Variants in HIVEP3 observed in about 807,000 individuals in gnomAD.
HIVEP3 encodes the protein transcription factor HIVEP3.
In HIVEP3, 49 loss-of-function variants were observed where a neutral mutation model predicts 152.8. That is an observed-to-expected ratio of 0.32 (90% CI 0.26 to 0.41). The LOEUF is 0.41. HIVEP3 is among the 10% of genes least tolerant of loss of function. HIVEP3 has a pLI of 1.00. For synonymous variants in HIVEP3, 1,269 were observed against 1,289.0 expected (o/e 0.98, Z 0.33); for missense variants, 2,790 against 3,103.3 (o/e 0.90, Z 2.40).
At chr1:41,802,149 A>C (rs1036318466) in intron 1 of HIVEP3, among the ~76,000 whole-genome samples, 2 of 152,248 alleles carry the variant, frequency 1.3e-5, no homozygotes, top group African/African-American at 4.8e-5. Context: ...AAAGCAGTAG[A>C]CTAGAAACCA....
intron 3 of HIVEP3, among the ~76,000 whole-genome samples, chr1:41,606,803 G>T (rs1263378651): frequency 1.3e-5 from 2 of 151,624 alleles, no homozygotes; most frequent in Non-Finnish European, 2.9e-5. Context: ...CCACTGTACT[G>T]GAGCATCTTG....
intron 5 of HIVEP3, among the ~76,000 whole-genome samples, chr1:41,573,604 A>G (rs1569959823): frequency 6.6e-6 from 1 of 152,350 alleles, no homozygotes; most frequent in East Asian, 1.9e-4. Context: ...AAATGGATAT[A>G]CTAGTAGTAA....
chr1:42,016,097 G>A (rs1169989581), intron 1 of HIVEP3, among the ~76,000 whole-genome samples: 1 of 152,220 alleles, frequency 6.6e-6, no homozygotes, highest in Non-Finnish European at 1.5e-5. Context: ...GGTTAAGATG[G>A]AGGAGGCAAG....
At chr1:41,936,265 T>C (rs1406467202) in intron 1 of HIVEP3, among the ~76,000 whole-genome samples, 1 of 152,146 alleles carries the variant, frequency 6.6e-6, no homozygotes, top group African/African-American at 2.4e-5. Context: ...TCTATTCAGA[T>C]GACTCATGTG....
At chr1:41,599,803 G>A (rs1644719893) in intron 3 of HIVEP3, among the ~76,000 whole-genome samples, 1 of 152,094 alleles carries the variant, frequency 6.6e-6, no homozygotes, top group Admixed American at 6.5e-5. Context: ...AAGAATGAGA[G>A]AAAACGCTTG....
chr1:41,553,002 T>G (rs185092771), intron 5 of HIVEP3, among the ~76,000 whole-genome samples: 163 of 152,354 alleles, frequency 1.1e-3, no homozygotes, highest in Admixed American at 2.3e-3. Context: ...GTTCTGTAGA[T>G]GTCTATTAGG....
chr1:41,898,896 A>G (rs1041268923), intron 1 of HIVEP3, among the ~76,000 whole-genome samples: 1 of 152,266 alleles, frequency 6.6e-6, no homozygotes. Flanking sequence ...TTCATTCAGC[A>G]AGCATTAAAA....
At chr1:41,674,679 C>T (rs145739538) in intron 2 of HIVEP3, among the ~76,000 whole-genome samples, 2,280 of 152,278 alleles carry the variant, frequency 0.015, 27 homozygotes, top group Non-Finnish European at 0.019. Flanking sequence ...ACCCGGCTGC[C>T]GGCCACCAGG....
At position 41,629,987 on chromosome 1, in the gene HIVEP3, C is replaced by T. The variant is rs146649168; in HGVS notation, c.-720-1040G>A. ...AGACACACGCATTTGTATGTTCACT[C>T]CAGCACTATTCACAATAGCAAAGAC... On this transcript the variant is annotated intron_variant, in intron 2 of 8. Coordinates refer to ENST00000372583, the MANE Select transcript of HIVEP3 (RefSeq NM_024503.5). Among the ~76,000 whole-genome samples, 1,456 of 152,312 alleles carry T rather than the reference C, an allele frequency of 9.6e-3. 17 individuals carry two copies. Among genetic ancestry groups the T allele is most frequent in the African/African-American group, 0.033 (1,373 of 41,562 alleles).
chr1:41,932,195 A>C (rs959269411), intron 1 of HIVEP3, among the ~76,000 whole-genome samples: 15 of 151,918 alleles, frequency 9.9e-5, no homozygotes, highest in African/African-American at 3.4e-4. Flanking sequence ...ATCTATTGAA[A>C]TAATCATCGT....
chr1:41,925,967 C>A (rs1024797400), intron 1 of HIVEP3, among the ~76,000 whole-genome samples: 1 of 152,094 alleles, frequency 6.6e-6, no homozygotes, highest in African/African-American at 2.4e-5. Flanking sequence ...CCCAGCCATA[C>A]TCTTAAAGGG....
At chr1:41,753,292 C>T (rs1229589912) in intron 1 of HIVEP3, among the ~76,000 whole-genome samples, 1 of 152,036 alleles carries the variant, frequency 6.6e-6, no homozygotes, top group East Asian at 1.9e-4. Flanking sequence ...GAAATTAATC[C>T]TAAGGAAATA....
At chr1:41,624,892 G>A (rs1035871545) in intron 3 of HIVEP3, among the ~76,000 whole-genome samples, 1 of 152,138 alleles carries the variant, frequency 6.6e-6, no homozygotes, top group Non-Finnish European at 1.5e-5. Context: ...TTGGCCAGGC[G>A]CGGTGGCTCA....
chr1:41,957,598 G>A (rs895491121), intron 1 of HIVEP3, among the ~76,000 whole-genome samples: 7 of 152,180 alleles, frequency 4.6e-5, no homozygotes, highest in Non-Finnish European at 7.3e-5. Flanking sequence ...AAAGTTCAAC[G>A]TGCAGTGATC....
chr1:41,521,871 G>A (rs1484984986), intron 6 of HIVEP3, among the ~76,000 whole-genome samples: 1 of 152,250 alleles, frequency 6.6e-6, no homozygotes, highest in African/African-American at 2.4e-5. Flanking sequence ...CCTGGACATG[G>A]CACAGCCATC....
intron 3 of HIVEP3, among the ~76,000 whole-genome samples, chr1:41,585,529 C>T (rs1037182168): frequency 1.3e-5 from 2 of 152,108 alleles, no homozygotes; most frequent in Non-Finnish European, 2.9e-5. Flanking sequence ...GCTCCCATGT[C>T]AGTGTTGGGT....
chr1:41,836,967 T>C (rs1212621848), intron 1 of HIVEP3, among the ~76,000 whole-genome samples: 1 of 152,202 alleles, frequency 6.6e-6, no homozygotes, highest in African/African-American at 2.4e-5. Flanking sequence ...GCAGATCATG[T>C]CCCTACTTAG....
intron 1 of HIVEP3, among the ~76,000 whole-genome samples, chr1:41,924,444 G>A (rs1644957672): frequency 6.6e-6 from 1 of 152,012 alleles, no homozygotes; most frequent in South Asian, 2.1e-4. Flanking sequence ...TATTATTATT[G>A]CCAACAACAA....
In HIVEP3 at chr1:41,918,254, G is replaced by A. The variant is rs1281851608; in HGVS notation, c.-801+159C>T. Among the ~76,000 whole-genome samples the A allele has an allele frequency of 9.2e-5, 14 of 152,230 alleles. No homozygotes were observed. Among genetic ancestry groups the A allele is most frequent in the Admixed American group, 7.9e-4 (12 of 15,280 alleles). On this transcript the variant is annotated intron_variant, in intron 1 of 8. Coordinates refer to ENST00000372583, the MANE Select transcript of HIVEP3 (RefSeq NM_024503.5). This position sits in a 1 kb window ranked among gnomAD's most constrained non-coding sequence, Gnocchi z 4.3. ...CGCAGCCCACCCGGCCGGCCCCTGC[G>A]TCTCGGCAGCCGGACACCTTGCCTA...
Sources: allele counts gnomAD v4.1 joint callset (sites outside exome capture counted in the v4.1 genomes callset), GRCh38; gene constraint gnomAD v4.1.1; non-coding constraint Gnocchi (gnomAD v3.1); transcripts MANE v1.5; gene names NCBI Gene and HGNC (gene_info 2026-07-23, HGNC 2026-07-21).